SEMA3F: variants seen among roughly 807,000 people sequenced by gnomAD.
SEMA3F encodes the protein semaphorin-3F.
In SEMA3F, 30 loss-of-function variants were observed where a neutral mutation model predicts 98.5. That is an observed-to-expected ratio of 0.30 (90% CI 0.23 to 0.41). The LOEUF (loss-of-function observed/expected upper bound fraction) is 0.41. Ranked by LOEUF, SEMA3F falls within the 10% of genes least tolerant of loss-of-function variation. The pLI is 1.00. For synonymous variants in SEMA3F, 380 were observed against 444.8 expected (o/e 0.85, Z 1.83); for missense variants, 866 against 1,119.3 (o/e 0.77, Z 3.23).
intron 11 of SEMA3F, 56 bp from the exon 12 acceptor site, chr3:50,183,364 G>A: frequency 6.2e-7 from 1 of 1,607,418 alleles, no homozygotes; most frequent in South Asian, 1.1e-5. Flanking sequence ...GGCAGTTTGG[G>A]GAGGGGCCCT....
At chr3:50,160,998 G>C (rs1278989029) in intron 2 of SEMA3F, among the ~76,000 whole-genome samples, 1 of 152,182 alleles carries the variant, frequency 6.6e-6, no homozygotes, top group African/African-American at 2.4e-5. Flanking sequence ...CCGGGCCCCA[G>C]GAAGGTGAGA....
chr3:50,186,229 C>T (rs1266921026), intron 16 of SEMA3F, 52 bp from the exon 17 acceptor site: 1 of 1,587,324 alleles, frequency 6.3e-7, no homozygotes. Context: ...ATACAGGGAC[C>T]TGGGGGGGCA....
At chr3:50,174,633 A>G (rs2109089950) in intron 5 of SEMA3F, among the ~76,000 whole-genome samples, 1 of 152,386 alleles carries the variant, frequency 6.6e-6, no homozygotes, top group South Asian at 2.1e-4. Flanking sequence ...ATATGTGGCA[A>G]CAGCTCTCTT....
chr3:50,163,424 G>A (rs1424623025), intron 2 of SEMA3F, among the ~76,000 whole-genome samples: 1 of 152,246 alleles, frequency 6.6e-6, no homozygotes, highest in Non-Finnish European at 1.5e-5. Context: ...GCAGCCTGGA[G>A]TTTGAGCCCT....
Position 50,172,886 on chromosome 3 carries a change from C to G in SEMA3F, c.113-907C>G, listed in dbSNP as rs1473811167. ...GTCCCAGATATACCCGGTCACACCC[C>G]TATCTGCTCATTAACCCTTTTAAGC... On this transcript the variant is annotated intron_variant, in intron 2 of 18. Coordinates refer to ENST00000002829, the MANE Select transcript of SEMA3F (RefSeq NM_004186.5). Among the ~76,000 whole-genome samples the G allele has an allele frequency of 2.0e-5, 3 of 152,196 alleles. No individual in the cohort carries two copies. In the East Asian group the frequency reaches 5.8e-4, roughly 29 times the overall value.
At chr3:50,180,087 A>G (rs1030417695) in intron 7 of SEMA3F, among the ~76,000 whole-genome samples, 10 of 152,126 alleles carry the variant, frequency 6.6e-5, no homozygotes, top group Admixed American at 3.9e-4. Flanking sequence ...TTTGGGACCT[A>G]TCTCAGCTTT....
At chr3:50,178,152 G>A (rs1008616137) in intron 7 of SEMA3F, among the ~76,000 whole-genome samples, 4 of 152,234 alleles carry the variant, frequency 2.6e-5, no homozygotes, top group Admixed American at 2.6e-4. Context: ...TGAGGCAGGA[G>A]AATCACTTGA....
rs1357791942 is a variant in SEMA3F at position 50,182,511 on chromosome 3, A to G, written c.763+108A>G. On this transcript the variant is annotated intron_variant, in intron 8 of 18. Coordinates refer to ENST00000002829, the MANE Select transcript of SEMA3F (RefSeq NM_004186.5). The surrounding 1 kb of genome is among the most constrained non-coding windows in gnomAD (Gnocchi z 4.5). Reference sequence around the variant, plus strand: ...GTGGGGACATGTTTAGCCTATGACTACCTGGGGCAGGGGTAGTTTCTTATC... The same window carrying G: ...GTGGGGACATGTTTAGCCTATGACTGCCTGGGGCAGGGGTAGTTTCTTATC... 6 of 1,578,248 alleles carry G rather than the reference A, an allele frequency of 3.8e-6. No individual in the cohort carries two copies. The Admixed American group carries it at 5.1e-5, about 13-fold the overall frequency.
In SEMA3F at chr3:50,158,518, C is replaced by T. The variant is rs911998286; in HGVS notation, c.-48-1057C>T. Among the ~76,000 whole-genome samples, 1 of 152,212 alleles carries T rather than the reference C, an allele frequency of 6.6e-6. No individual in the cohort carries two copies. Among genetic ancestry groups the T allele is most frequent in the Non-Finnish European group, 1.5e-5 (1 of 68,036 alleles). On this transcript the variant is annotated intron_variant, in intron 1 of 18. Coordinates refer to ENST00000002829, the MANE Select transcript of SEMA3F (RefSeq NM_004186.5). The surrounding 1 kb of genome is among the most constrained non-coding windows in gnomAD (Gnocchi z 4.8). Reference sequence around the variant, plus strand: ...TTGAGCAGCTATGGCAGGGGAGTCCCAGGCCATAGTACTGCCAACTCCCAT... The same window carrying T: ...TTGAGCAGCTATGGCAGGGGAGTCCTAGGCCATAGTACTGCCAACTCCCAT...
chr3:50,173,737 G>T (rs757181901), intron 2 of SEMA3F, 56 bp from the exon 3 acceptor site: 2 of 1,515,040 alleles, frequency 1.3e-6, no homozygotes, highest in South Asian at 1.2e-5. Context: ...ATCAGAGGGG[G>T]TATGGCTGGA....
At chr3:50,176,968 G>A (rs1698840334) in intron 7 of SEMA3F, 107 bp downstream of exon 7, 2 of 917,730 alleles carry the variant, frequency 2.2e-6, no homozygotes, top group Admixed American at 1.9e-5. Flanking sequence ...TGACTAGGCT[G>A]TCCCTGAACT....
intron 2 of SEMA3F, among the ~76,000 whole-genome samples, chr3:50,163,477 G>A (rs1698290306): frequency 6.6e-6 from 1 of 152,244 alleles, no homozygotes; most frequent in Non-Finnish European, 1.5e-5. Context: ...CACATCATTT[G>A]CATGTGGCAT....
Position 50,187,803 on chromosome 3 carries a change from G to A in SEMA3F, c.2046G>A (p.Glu682=), listed in dbSNP as rs773987493. 1.9e-6 allele frequency: 3 copies of A among 1,613,630 alleles called. No homozygotes were observed. Among genetic ancestry groups the A allele is most frequent in the Non-Finnish European group, 2.5e-6 (3 of 1,180,022 alleles). ...DRGLYSCTAT[E]NNFKHVVTRV... ...GCCTCTACTCCTGCACAGCCACTGA[G>A]AACAACTTTAAGCACGTCGTCACAC... The change falls in exon 19 of 19, where the codon GAG becomes GAA. Residue 682 remains glutamate (E), a synonymous_variant. Transcript: ENST00000002829.
chr3:50,167,225 C>T (rs1465528770), intron 2 of SEMA3F, among the ~76,000 whole-genome samples: 1 of 152,210 alleles, frequency 6.6e-6, no homozygotes, highest in Non-Finnish European at 1.5e-5. Flanking sequence ...AGTGGGACGT[C>T]TAGGCCTCTG....
At chr3:50,157,300 C>G (rs1052760002) in intron 1 of SEMA3F, among the ~76,000 whole-genome samples, 1 of 152,064 alleles carries the variant, frequency 6.6e-6, no homozygotes, top group African/African-American at 2.4e-5. Context: ...CCCGGCTCCT[C>G]GTTTCTTTGT....
chr3:50,165,234 T>A (rs1399198297), intron 2 of SEMA3F, among the ~76,000 whole-genome samples: 1 of 152,144 alleles, frequency 6.6e-6, no homozygotes, highest in Admixed American at 6.5e-5. Flanking sequence ...AGGGTGCATG[T>A]GGTGCAGCAC....
chr3:50,157,148 C>T (rs1396882386), intron 1 of SEMA3F, among the ~76,000 whole-genome samples: 2 of 151,978 alleles, frequency 1.3e-5, no homozygotes, highest in African/African-American at 4.8e-5. Flanking sequence ...TTCCTGGAGA[C>T]AGGCTGTCCA....
At chr3:50,185,354 G>A (rs533567612) in intron 13 of SEMA3F, 89 bp from the exon 14 acceptor site, 21 of 1,256,164 alleles carry the variant, frequency 1.7e-5, no homozygotes, top group African/African-American at 3.0e-5. Context: ...CCCTAGGGGG[G>A]TTTGGGCCCT....
Position 50,156,374 on chromosome 3 carries a change from A to G in SEMA3F, c.-49+810A>G, listed in dbSNP as rs79025934. On this transcript the variant is annotated intron_variant, in intron 1 of 18. Transcript: ENST00000002829. This position sits in a 1 kb window ranked among gnomAD's most constrained non-coding sequence, Gnocchi z 4.5. ...GGCTGGAGCTGGGGCTGGGGGCCCC[A>G]CTGGATAAATAACTCCTAATTTTTG... Among the ~76,000 whole-genome samples, 480 of 152,288 alleles carry G rather than the reference A, an allele frequency of 3.2e-3. 16 individuals carry two copies. The East Asian group carries it at 0.086, about 27-fold the overall frequency.
Sources: gnomAD v4.1 joint callset for allele counts (sites outside exome capture counted in the v4.1 genomes callset) on GRCh38, gnomAD v4.1.1 for gene constraint, Gnocchi (gnomAD v3.1) non-coding constraint, MANE v1.5 for transcripts, NCBI Gene and HGNC (gene_info 2026-07-23, HGNC 2026-07-21) for gene names.